Variants in SARAF observed in about 807,000 individuals in gnomAD.
SARAF encodes store-operated calcium entry associated regulatory factor.
In SARAF, 23 loss-of-function variants were observed where a neutral mutation model predicts 39.7. The ratio of observed to expected loss-of-function variants is 0.58; its 90% CI spans 0.42 to 0.82. The LOEUF (loss-of-function observed/expected upper bound fraction) is 0.82. SARAF is among the 40% of genes least tolerant of loss of function. SARAF has a pLI of 0.00. For synonymous variants in SARAF, 175 were observed against 168.5 expected (o/e 1.04, Z -0.30); for missense variants, 384 against 418.5 (o/e 0.92, Z 0.72).
chr8:30,073,849 A>C, intron 2 of SARAF, 28 bp downstream of exon 2: 2 of 1,592,560 alleles, frequency 1.3e-6, no homozygotes, highest in Non-Finnish European at 1.7e-6. Context: ...AACCCCATTT[A>C]GACTGCCATT....
chr8:30,081,166 C>T (rs60114244), intron 1 of SARAF, among the ~76,000 whole-genome samples: 1,821 of 152,230 alleles, frequency 0.012, 44 homozygotes, highest in African/African-American at 0.042. Flanking sequence ...AAAAAAGTTC[C>T]TCAAAGTAAA....
At chr8:30,075,981 T>TTAA (rs1563356171) in intron 1 of SARAF, among the ~76,000 whole-genome samples, 1 of 7,378 alleles carries the variant, frequency 1.4e-4, no homozygotes, top group Admixed American at 1.8e-3. Flanking sequence ...ACAGAATCCC[T>TTAA]AAAAAAAAAC....
intron 1 of SARAF, among the ~76,000 whole-genome samples, chr8:30,079,350 T>C (rs1180497690): frequency 6.6e-6 from 1 of 152,102 alleles, no homozygotes; most frequent in Non-Finnish European, 1.5e-5. Flanking sequence ...CATAATTGAC[T>C]ATGCAGCCAC....
At chr8:30,077,893 G>C (rs1016248995) in intron 1 of SARAF, among the ~76,000 whole-genome samples, 2 of 151,972 alleles carry the variant, frequency 1.3e-5, no homozygotes, top group Non-Finnish European at 2.9e-5. Flanking sequence ...TGTAATCCCA[G>C]CACTTTGGGT....
At chr8:30,081,454 A>T (rs1802096258) in intron 1 of SARAF, among the ~76,000 whole-genome samples, 1 of 152,214 alleles carries the variant, frequency 6.6e-6, no homozygotes, top group Non-Finnish European at 1.5e-5. Context: ...CCACTCATAC[A>T]CAGCTTTCTA....
intron 1 of SARAF, among the ~76,000 whole-genome samples, chr8:30,077,842 T>C (rs904905596): frequency 1.5e-5 from 2 of 136,732 alleles, no homozygotes; most frequent in African/African-American, 2.7e-5. Context: ...AGCAAAAAGA[T>C]AGAAAGTAGG....
At chr8:30,082,802 C>A in intron 1 of SARAF, 45 bp downstream of exon 1, 1 of 1,408,916 alleles carries the variant, frequency 7.1e-7, no homozygotes, top group Non-Finnish European at 9.4e-7. Flanking sequence ...CTGACGGCGG[C>A]GGAAAAGGGC....
chr8:30,076,558 T>C (rs150941047), intron 1 of SARAF, among the ~76,000 whole-genome samples: 240 of 152,330 alleles, frequency 1.6e-3, no homozygotes, highest in African/African-American at 5.6e-3. Flanking sequence ...ACTAAAAATA[T>C]GAGGAAAGTC....
chr8:30,074,089 A>C, intron 1 of SARAF, 34 bp from the exon 2 acceptor site: 3 of 1,595,360 alleles, frequency 1.9e-6, no homozygotes, highest in Non-Finnish European at 1.7e-6. Flanking sequence ...AACACAAAGT[A>C]AGTATCGTGT....
chr8:30,067,313 G>A (rs1008932746), intron 3 of SARAF, among the ~76,000 whole-genome samples: 9 of 152,186 alleles, frequency 5.9e-5, no homozygotes, highest in East Asian at 1.9e-4. Context: ...CCAAGGGGAG[G>A]CAGCCAGATA....
intron 1 of SARAF, among the ~76,000 whole-genome samples, chr8:30,077,885 T>C (rs1004411512): frequency 6.6e-6 from 1 of 151,640 alleles, no homozygotes; most frequent in African/African-American, 2.4e-5. Flanking sequence ...CTCACGTGTG[T>C]AATCCCAGCA....
At chr8:30,065,400 T>C (rs1801661255) in intron 5 of SARAF, among the ~76,000 whole-genome samples, 1 of 152,204 alleles carries the variant, frequency 6.6e-6, no homozygotes, top group African/African-American at 2.4e-5. Flanking sequence ...CATATTTAAA[T>C]ATATTTTTCT....
chr8:30,074,706 T>C (rs1461398496), intron 1 of SARAF, among the ~76,000 whole-genome samples: 1 of 152,186 alleles, frequency 6.6e-6, no homozygotes, highest in Admixed American at 6.5e-5. Context: ...TTCAAATAAG[T>C]ATCTAGTCTA....
In SARAF at chr8:30,072,796, T is replaced by C. The variant is rs142832947; in HGVS notation, c.282+1081A>G. On this transcript the variant is annotated intron_variant, in intron 2 of 5. Coordinates refer to ENST00000256255, the MANE Select transcript of SARAF (RefSeq NM_016127.6). The stretch of plus-strand genomic sequence containing the variant: ...ATTCCTTCCTAACACAGCACAAATG[T>C]CTCATCCTTTAAGTCCCAATGGCTC... 7.3e-3 allele frequency among the ~76,000 whole-genome samples: 1,118 copies of C among 152,340 alleles called. 24 individuals are homozygous for C. Among genetic ancestry groups the C allele is most frequent in the African/African-American group, 0.026 (1,074 of 41,572 alleles).
rs1458215350 is a variant in SARAF, at chr8:30,064,557, A to ATT, written c.995-645_995-644insAA. Among the ~76,000 whole-genome samples, 122 of 50,612 alleles carry ATT rather than the reference A, an allele frequency of 2.4e-3. 5 individuals are homozygous for ATT. The highest frequency in any genetic ancestry group is 3.4e-3 in the Non-Finnish European group (106 of 30,912). 33.2% of individuals were successfully genotyped at this position (50,612 alleles called of 152,430 possible). Reference sequence around the variant, plus strand: ...GCCATATATATATATATATATATATATATATTTTTTTTTTTTTTTTTTGAG... The same window carrying ATT: ...GCCATATATATATATATATATATATATTTATATTTTTTTTTTTTTTTTTTGAG... On this transcript the variant is annotated intron_variant, in intron 5 of 5. Coordinates refer to ENST00000256255, the MANE Select transcript of SARAF (RefSeq NM_016127.6).
intron 5 of SARAF, among the ~76,000 whole-genome samples, chr8:30,065,068 A>C (rs757543639): frequency 7.2e-5 from 11 of 152,146 alleles, no homozygotes; most frequent in Non-Finnish European, 1.5e-4. Context: ...TATTGCACAC[A>C]ACTACTTATT....
At chr8:30,070,115 T>C in intron 2 of SARAF, 56 bp from the exon 3 acceptor site, 1 of 1,463,050 alleles carries the variant, frequency 6.8e-7, no homozygotes, top group South Asian at 1.3e-5. Flanking sequence ...TCATTTAATA[T>C]ATGTTACTTG....
At position 30,073,962 on chromosome 8, in the gene SARAF, C is replaced by T. The variant is rs1246177612; in HGVS notation, c.197G>A (p.Cys66Tyr). 1 of 1,614,218 alleles carries T rather than the reference C, an allele frequency of 6.2e-7. No homozygotes were observed. Among genetic ancestry groups the T allele is most frequent in the East Asian group, 2.2e-5 (1 of 44,884 alleles). ...RRLDPIPQLK[C>Y]VGGTAGCDSY... Reference sequence around the variant, plus strand: ...ATCACAACCAGCTGTGCCTCCAACACATTTCAACTGTGGGATGGGATCCAG... The same window carrying T: ...ATCACAACCAGCTGTGCCTCCAACATATTTCAACTGTGGGATGGGATCCAG... The change falls in exon 2 of 6, where the codon TGT becomes TAT. Residue 66 changes from cysteine to tyrosine, a missense_variant. Cys to Tyr is a radical substitution (Grantham distance 194). Coordinates refer to ENST00000256255, the MANE Select transcript of SARAF (RefSeq NM_016127.6).
chr8:30,071,784 C>T (rs6997212), intron 2 of SARAF, among the ~76,000 whole-genome samples: 1 of 152,098 alleles, frequency 6.6e-6, no homozygotes, highest in Non-Finnish European at 1.5e-5. Context: ...GCATGTATTA[C>T]TATTTCACTT....
Sources: gnomAD v4.1 joint callset for allele counts (sites outside exome capture counted in the v4.1 genomes callset) on GRCh38, gnomAD v4.1.1 for gene constraint, MANE v1.5 for transcripts, NCBI Gene and HGNC (gene_info 2026-07-23, HGNC 2026-07-21) for gene names.